ST6GALNAC3: variants seen among roughly 807,000 people sequenced by gnomAD.
ST6GALNAC3 encodes ST6 N-acetylgalactosaminide alpha-2,6-sialyltransferase 3, also known as alpha-N-acetylgalactosaminide alpha-2,6-sialyltransferase 3.
A neutral mutation model predicts 32.7 loss-of-function variants in ST6GALNAC3; 25 were observed. The observed-to-expected ratio is 0.76, with a 90% CI of 0.56 to 1.07. The LOEUF is 1.07. Ranked by LOEUF, ST6GALNAC3 falls within the 50% of genes least tolerant of loss-of-function variation. The pLI, the probability that ST6GALNAC3 is intolerant of heterozygous loss-of-function variation, is 0.00. For synonymous variants in ST6GALNAC3, 129 were observed against 133.1 expected (o/e 0.97, Z 0.21); for missense variants, 355 against 382.4 (o/e 0.93, Z 0.60).
intron 1 of ST6GALNAC3, among the ~76,000 whole-genome samples, chr1:76,076,105 G>A (rs1646813020): frequency 6.6e-6 from 1 of 152,166 alleles, no homozygotes; most frequent in Non-Finnish European, 1.5e-5. Flanking sequence ...TCCAGGACAT[G>A]AGGAAATAAT....
chr1:76,166,723 G>A (rs1028691626), intron 1 of ST6GALNAC3, among the ~76,000 whole-genome samples: 1 of 152,074 alleles, frequency 6.6e-6, no homozygotes, highest in Non-Finnish European at 1.5e-5. Flanking sequence ...CACCTCCCTG[G>A]TTGGCTGAGT....
At chr1:76,290,142 C>A (rs1226328950) in intron 1 of ST6GALNAC3, among the ~76,000 whole-genome samples, 1 of 152,192 alleles carries the variant, frequency 6.6e-6, no homozygotes, top group Non-Finnish European at 1.5e-5. Context: ...AGTAAAAATG[C>A]CCCATGAGCC....
chr1:76,421,779 G>T (rs1310689553), intron 3 of ST6GALNAC3, among the ~76,000 whole-genome samples: 2 of 151,964 alleles, frequency 1.3e-5, no homozygotes, highest in African/African-American at 4.8e-5. Context: ...GAATAAATTT[G>T]TATATAGACT....
intron 1 of ST6GALNAC3, among the ~76,000 whole-genome samples, chr1:76,233,223 TA>T (rs1656469170): frequency 6.6e-6 from 1 of 152,188 alleles, no homozygotes; most frequent in Non-Finnish European, 1.5e-5. Context: ...CCAGTTTAGT[TA>T]GATTTGGTGG....
chr1:76,280,475 C>T lies in ST6GALNAC3; in HGVS notation c.19-33330C>T, dbSNP rs190407593. On this transcript the variant is annotated intron_variant, in intron 1 of 4. Transcript: ENST00000328299. ...TTTGGTAAATGAATACCTAATGTGC[C>T]GCTAGGGAAGCTAAATTCATACCTA... Among the ~76,000 whole-genome samples, 9 of 152,048 alleles carry T rather than the reference C, an allele frequency of 5.9e-5. No individual in the cohort carries two copies. The East Asian group carries it at 7.7e-4, about 13-fold the overall frequency.
chr1:76,171,199 CT>C (rs1396187053), intron 1 of ST6GALNAC3, among the ~76,000 whole-genome samples: 1 of 151,920 alleles, frequency 6.6e-6, no homozygotes, highest in African/African-American at 2.4e-5. Context: ...TTACTTGCAA[CT>C]GACAGCTACC....
intron 1 of ST6GALNAC3, among the ~76,000 whole-genome samples, chr1:76,267,134 C>T (rs1032652610): frequency 2.2e-4 from 34 of 152,200 alleles, no homozygotes; most frequent in African/African-American, 7.2e-4. Flanking sequence ...CCAATTTGCG[C>T]TCTCTTTCCT....
chr1:76,246,414 A>C (rs1253425195), intron 1 of ST6GALNAC3, among the ~76,000 whole-genome samples: 1 of 151,984 alleles, frequency 6.6e-6, no homozygotes. Context: ...TTTACTTTTA[A>C]GGTTAGTATT....
Position 76,442,341 on chromosome 1 carries a change from A to G in ST6GALNAC3, c.623+29924A>G, listed in dbSNP as rs1021772183. The stretch of plus-strand genomic sequence containing the variant: ...ATTTTCACATTTCCACAAGCAAAAC[A>G]CAAAGGTAAACCTGATGCCTCCCAA... On this transcript the variant is annotated intron_variant, in intron 3 of 4. Transcript: ENST00000328299. 2.6e-5 allele frequency among the ~76,000 whole-genome samples: 4 copies of G among 152,320 alleles called. No individual in the cohort carries two copies. The East Asian group carries it at 5.8e-4, about 22-fold the overall frequency.
chr1:76,446,213 C>T (rs1656955443), intron 3 of ST6GALNAC3, among the ~76,000 whole-genome samples: 1 of 152,036 alleles, frequency 6.6e-6, no homozygotes, highest in Admixed American at 6.6e-5. Context: ...CACAGCAAAA[C>T]TGAAAGGAAA....
intron 3 of ST6GALNAC3, among the ~76,000 whole-genome samples, chr1:76,515,140 G>A (rs903446184): frequency 3.9e-4 from 60 of 152,044 alleles, no homozygotes; most frequent in African/African-American, 1.4e-3. Context: ...CATCAGGCTG[G>A]GCTTTGTATT....
At chr1:76,085,462 T>C (rs1646952172) in intron 1 of ST6GALNAC3, among the ~76,000 whole-genome samples, 1 of 152,156 alleles carries the variant, frequency 6.6e-6, no homozygotes, top group Non-Finnish European at 1.5e-5. Context: ...TAGAGCTAAA[T>C]ACGGTACGTG....
chr1:76,173,658 A>G (rs1437043095), intron 1 of ST6GALNAC3, among the ~76,000 whole-genome samples: 1 of 152,250 alleles, frequency 6.6e-6, no homozygotes. Context: ...AAACAACTCC[A>G]TCAAAAAGTA....
chr1:76,206,657 C>T (rs545701293), intron 1 of ST6GALNAC3, among the ~76,000 whole-genome samples: 2 of 151,880 alleles, frequency 1.3e-5, no homozygotes, highest in South Asian at 2.1e-4. Flanking sequence ...CAGGAGAACC[C>T]GGGAGGTGGA....
At chr1:76,411,376 C>G (rs1654226293) in intron 2 of ST6GALNAC3, among the ~76,000 whole-genome samples, 1 of 152,024 alleles carries the variant, frequency 6.6e-6, no homozygotes, top group African/African-American at 2.4e-5. Context: ...TAAAAGGAGG[C>G]CTTTCCTTAT....
intron 1 of ST6GALNAC3, among the ~76,000 whole-genome samples, chr1:76,166,276 G>A (rs1369212281): frequency 1.3e-5 from 2 of 152,052 alleles, no homozygotes; most frequent in Non-Finnish European, 2.9e-5. Flanking sequence ...TTTCCCCATT[G>A]CTTGTTTTTG....
intron 3 of ST6GALNAC3, among the ~76,000 whole-genome samples, chr1:76,503,388 T>C (rs1661294487): frequency 6.6e-6 from 1 of 152,190 alleles, no homozygotes; most frequent in African/African-American, 2.4e-5. Context: ...GCTTTTACAG[T>C]TTTATACCAC....
chr1:76,547,853 T>C (rs966494466), intron 3 of ST6GALNAC3, among the ~76,000 whole-genome samples: 5 of 112,748 alleles, frequency 4.4e-5, no homozygotes, highest in African/African-American at 6.2e-5. Context: ...CAATGCGAGA[T>C]TCTGTCTCAA....
chr1:76,338,442 C>T (rs1263167584), intron 2 of ST6GALNAC3, among the ~76,000 whole-genome samples: 1 of 152,154 alleles, frequency 6.6e-6, no homozygotes, highest in Non-Finnish European at 1.5e-5. Flanking sequence ...CCCTATAATT[C>T]TAGATTCCTG....
Sources: gnomAD v4.1 joint callset for allele counts (sites outside exome capture counted in the v4.1 genomes callset) on GRCh38, gnomAD v4.1.1 for gene constraint, MANE v1.5 for transcripts, NCBI Gene and HGNC (gene_info 2026-07-23, HGNC 2026-07-21) for gene names.